PLS1: variants seen among roughly 807,000 people sequenced by gnomAD.
PLS1 encodes the protein plastin-1.
PLS1 carries 32 observed loss-of-function variants against 73.7 expected under a neutral mutation model. That is an observed-to-expected ratio of 0.43 (90% CI 0.33 to 0.58). The LOEUF (loss-of-function observed/expected upper bound fraction) is 0.58, where lower values mean the gene tolerates loss of function less well. PLS1 is among the 20% of genes least tolerant of loss of function. The pLI is 0.04. For synonymous variants in PLS1, 217 were observed against 261.3 expected (o/e 0.83, Z 1.63); for missense variants, 633 against 740.5 (o/e 0.85, Z 1.68).
chr3:142,610,127 C>T (rs930799706), intron 1 of PLS1, among the ~76,000 whole-genome samples: 1 of 152,192 alleles, frequency 6.6e-6, no homozygotes, highest in Non-Finnish European at 1.5e-5. Flanking sequence ...CCTCGGCCTC[C>T]CACAAAGCTT....
rs34712134 is a variant in PLS1 at position 142,635,435 on chromosome 3, C to CA, written c.-36-28749dup. Among the ~76,000 whole-genome samples the CA allele has an allele frequency of 3.6e-3, 471 of 129,542 alleles. 4 individuals are homozygous for CA. The highest frequency in any genetic ancestry group is 9.6e-3 in the African/African-American group (340 of 35,580). 85.0% of individuals were successfully genotyped at this position (129,542 alleles called of 152,430 possible). A position where few individuals can be genotyped will look rare whatever the true frequency, so the allele number is the denominator to read the frequency against. Reference sequence around the variant, plus strand: ...TGAAGTCTTGTCTCTACTAAAAATACAAAAAAAAAAAAAAAAAATTAGCTG... The same window carrying CA: ...TGAAGTCTTGTCTCTACTAAAAATACAAAAAAAAAAAAAAAAAAATTAGCTG... On this transcript the variant is annotated intron_variant, in intron 1 of 15. Transcript: ENST00000457734.
intron 1 of PLS1, among the ~76,000 whole-genome samples, chr3:142,633,254 G>T (rs908792652): frequency 6.6e-6 from 1 of 152,198 alleles, no homozygotes; most frequent in Admixed American, 6.5e-5. Flanking sequence ...TGTTTAATGG[G>T]TATAGAGTTT....
chr3:142,657,664 A>G (rs140677849), intron 1 of PLS1, among the ~76,000 whole-genome samples: 1,708 of 151,910 alleles, frequency 0.011, 38 homozygotes, highest in African/African-American at 0.039. Flanking sequence ...TAATTTTTGT[A>G]TTTTTAGTAG....
intron 1 of PLS1, among the ~76,000 whole-genome samples, chr3:142,624,752 A>G (rs2036385851): frequency 6.6e-6 from 1 of 152,226 alleles, no homozygotes; most frequent in Non-Finnish European, 1.5e-5. Flanking sequence ...AAGTGAACAC[A>G]TTATGACCAA....
chr3:142,598,948 C>T (rs1222132823), intron 1 of PLS1, among the ~76,000 whole-genome samples: 1 of 151,598 alleles, frequency 6.6e-6, no homozygotes, highest in South Asian at 2.1e-4. Context: ...TTGCAGTGAG[C>T]CAAGATTGTG....
chr3:142,622,095 C>G (rs562745168), intron 1 of PLS1, among the ~76,000 whole-genome samples: 1 of 151,534 alleles, frequency 6.6e-6, no homozygotes, highest in Non-Finnish European at 1.5e-5. Flanking sequence ...ACCACGTGGA[C>G]AGAATATTTC....
At chr3:142,618,263 C>T (rs2036250090) in intron 1 of PLS1, among the ~76,000 whole-genome samples, 1 of 152,060 alleles carries the variant, frequency 6.6e-6, no homozygotes, top group Non-Finnish European at 1.5e-5. Flanking sequence ...ACTCTGCCTA[C>T]CCCCCACCCT....
intron 1 of PLS1, among the ~76,000 whole-genome samples, chr3:142,607,171 C>A (rs538199053): frequency 5.3e-5 from 8 of 152,044 alleles, no homozygotes; most frequent in Middle Eastern, 3.4e-3. Flanking sequence ...TAAAAAAAAA[C>A]CAATAGACTT....
intron 2 of PLS1, among the ~76,000 whole-genome samples, chr3:142,665,365 ATAAAG>A (rs762419682): frequency 1.3e-5 from 2 of 151,944 alleles, no homozygotes; most frequent in Non-Finnish European, 2.9e-5. Flanking sequence ...TTACTGTGAA[ATAAAG>A]TAAACTAAAT....
At chr3:142,619,519 C>A (rs2036277036) in intron 1 of PLS1, 1 of 152,148 alleles carries the variant, frequency 6.6e-6, no homozygotes, top group African/African-American at 2.4e-5. Flanking sequence ...AAGTAAAATG[C>A]TAAAAAGAAT....
At position 142,616,468 on chromosome 3, in the gene PLS1, C is replaced by G. The variant is rs140086755; in HGVS notation, c.-37+19959C>G. Reference sequence around the variant, plus strand: ...ATATTATTGATTAGATTTTTAGTCTCTGATTTGTTTTTCTAGTTGTGACCC... The same window carrying G: ...ATATTATTGATTAGATTTTTAGTCTGTGATTTGTTTTTCTAGTTGTGACCC... On this transcript the variant is annotated intron_variant, in intron 1 of 15. Coordinates refer to ENST00000457734, the MANE Select transcript of PLS1 (RefSeq NM_001145319.2). 1.0e-3 allele frequency among the ~76,000 whole-genome samples: 156 copies of G among 152,188 alleles called. 1 individual carries two copies. The highest frequency in any genetic ancestry group is 3.6e-3 in the African/African-American group (148 of 41,524).
chr3:142,673,503 G>A (rs2037652103), intron 4 of PLS1: 1 of 152,128 alleles, frequency 6.6e-6, no homozygotes, highest in Non-Finnish European at 1.5e-5. Context: ...TTGAATTCTC[G>A]TAGGCATATA....
chr3:142,603,293 TG>T (rs2035958989), intron 1 of PLS1, among the ~76,000 whole-genome samples: 1 of 152,174 alleles, frequency 6.6e-6, no homozygotes. Flanking sequence ...AGTAATATTG[TG>T]GGCACAGAAA....
At chr3:142,629,548 T>G (rs184102878) in intron 1 of PLS1, among the ~76,000 whole-genome samples, 1 of 152,272 alleles carries the variant, frequency 6.6e-6, no homozygotes, top group African/African-American at 2.4e-5. Context: ...TTCATCAGAA[T>G]TCTGATTAGC....
At position 142,700,550 on chromosome 3, in the gene PLS1, C is replaced by T. The variant is rs948220538; in HGVS notation, c.1371+2483C>T. On this transcript the variant is annotated intron_variant, in intron 12 of 15. Coordinates refer to ENST00000457734, the MANE Select transcript of PLS1 (RefSeq NM_001145319.2). ...GTGTTAGCCAGGATGGTCTTGTCTC[C>T]TGACCTCGTGATCCACCCGCCTTGG... Among the ~76,000 whole-genome samples the T allele has an allele frequency of 2.0e-5, 3 of 152,158 alleles. No homozygotes were observed. The East Asian group carries it at 5.8e-4, about 29-fold the overall frequency.
chr3:142,655,630 GA>G (rs2037210932), intron 1 of PLS1, among the ~76,000 whole-genome samples: 1 of 149,652 alleles, frequency 6.7e-6, no homozygotes, highest in South Asian at 2.1e-4. Flanking sequence ...GCTGAGGCAG[GA>G]AAATCGCTTG....
At chr3:142,682,613 C>T (rs1356593185) in intron 6 of PLS1, among the ~76,000 whole-genome samples, 2 of 152,158 alleles carry the variant, frequency 1.3e-5, no homozygotes, top group African/African-American at 4.8e-5. Context: ...AATTTTCAGT[C>T]CAGTTCTTTC....
intron 1 of PLS1, among the ~76,000 whole-genome samples, chr3:142,649,143 A>G (rs1408061753): frequency 6.6e-6 from 1 of 152,034 alleles, no homozygotes; most frequent in Non-Finnish European, 1.5e-5. Context: ...ATAATATATT[A>G]CTACTCACTT....
intron 15 of PLS1, 54 bp from the exon 16 acceptor site, chr3:142,711,818 T>C (rs1933141835): frequency 6.4e-7 from 1 of 1,567,212 alleles, no homozygotes; most frequent in Admixed American, 1.7e-5. Context: ...TGTTAAAATA[T>C]GTTAAGTGAA....
Sources: allele counts gnomAD v4.1 joint callset (sites outside exome capture counted in the v4.1 genomes callset), GRCh38; gene constraint gnomAD v4.1.1; transcripts MANE v1.5; gene names NCBI Gene and HGNC (gene_info 2026-07-23, HGNC 2026-07-21).